Variants in EPB41 observed in about 807,000 individuals in gnomAD.
EPB41 encodes the protein erythrocyte membrane protein band 4.1, also known as protein 4.1.
In EPB41, 65 loss-of-function variants were observed where a neutral mutation model predicts 108.0. That is an observed-to-expected ratio of 0.60 (90% CI 0.49 to 0.74). The LOEUF (loss-of-function observed/expected upper bound fraction) is 0.74. EPB41 is among the 30% of genes least tolerant of loss of function. EPB41 has a pLI of 0.00. For synonymous variants in EPB41, 336 were observed against 358.9 expected (o/e 0.94, Z 0.72); for missense variants, 875 against 1,037.0 (o/e 0.84, Z 2.15).
intron 4 of EPB41, among the ~76,000 whole-genome samples, chr1:29,010,336 CTAAA>C (rs772276858): frequency 6.6e-6 from 1 of 151,952 alleles, no homozygotes; most frequent in African/African-American, 2.4e-5. Context: ...GAGACCCTGT[CTAAA>C]TAAATAAATA....
chr1:29,070,432 A>G, intron 16 of EPB41: 4 of 1,232,176 alleles, frequency 3.2e-6, no homozygotes, highest in Non-Finnish European at 4.0e-6. Context: ...CTACTGAAAG[A>G]GCCTTGCCCC....
intron 1 of EPB41, among the ~76,000 whole-genome samples, chr1:28,963,277 T>C (rs546852479): frequency 3.9e-5 from 6 of 152,088 alleles, no homozygotes; most frequent in South Asian, 4.2e-4. Context: ...CAACTGACTT[T>C]TGAGAAATGC....
intron 10 of EPB41, among the ~76,000 whole-genome samples, chr1:29,036,466 G>T (rs1639501526): frequency 6.6e-6 from 1 of 151,892 alleles, no homozygotes; most frequent in African/African-American, 2.4e-5. Context: ...TCACTATGTT[G>T]GTCAGGGTGG....
At chr1:29,062,752 C>T (rs1313662257) in intron 15 of EPB41, among the ~76,000 whole-genome samples, 1 of 150,674 alleles carries the variant, frequency 6.6e-6, no homozygotes, top group Admixed American at 6.6e-5. Flanking sequence ...TTTAGATCTA[C>T]CGCCTCCTCC....
At chr1:28,979,629 C>T (rs2095687737) in intron 1 of EPB41, among the ~76,000 whole-genome samples, 1 of 145,798 alleles carries the variant, frequency 6.9e-6, no homozygotes, top group South Asian at 2.1e-4. Flanking sequence ...GGATAGACTT[C>T]TTATATTTAC....
chr1:28,981,661 G>A (rs763568831), intron 1 of EPB41, among the ~76,000 whole-genome samples: 34 of 151,998 alleles, frequency 2.2e-4, no homozygotes, highest in Non-Finnish European at 4.7e-4. Flanking sequence ...TTCCATTACT[G>A]GAGGTATAAA....
At position 29,030,416 on chromosome 1, in the gene EPB41, C is replaced by T; in HGVS notation, c.1141C>T (p.Gln381Ter). 1.9e-6 allele frequency: 3 copies of T among 1,613,994 alleles called. No individual in the cohort carries two copies. Among genetic ancestry groups the T allele is most frequent in the Non-Finnish European group, 1.7e-6 (2 of 1,179,912 alleles). Reference protein sequence around the residue: ...HKSYRSMTPAQADLEFLENAK... With the variant: ...HKSYRSMTPA ...CTATCAAAGGTCCATGACTCCAGCTCAGGCTGACTTGGAGTTTCTTGAGAA... is the reference window on the plus strand; with the variant it reads ...CTATCAAAGGTCCATGACTCCAGCTTAGGCTGACTTGGAGTTTCTTGAGAA... The change falls in exon 8 of 21, where the codon CAG becomes TAG. Residue 381 changes from glutamine (Q) to a stop codon, truncating the protein, a stop_gained. Coordinates refer to ENST00000343067, the MANE Select transcript of EPB41 (RefSeq NM_001376013.1). LOFTEE classifies it high-confidence loss of function.
chr1:28,897,478 G>A (rs1241377932), intron 1 of EPB41, among the ~76,000 whole-genome samples: 1 of 151,808 alleles, frequency 6.6e-6, no homozygotes, highest in African/African-American at 2.4e-5. Flanking sequence ...GAGCCCAGGA[G>A]GTTGAGGCTG....
At chr1:29,076,298 G>A (rs1654047298) in intron 16 of EPB41, among the ~76,000 whole-genome samples, 11 of 152,038 alleles carry the variant, frequency 7.2e-5, no homozygotes, top group Admixed American at 7.2e-4. Flanking sequence ...GGATTATTCC[G>A]CTTTATGTCC....
chr1:29,005,208 T>C (rs2096378478), intron 4 of EPB41, among the ~76,000 whole-genome samples: 1 of 152,092 alleles, frequency 6.6e-6, no homozygotes, highest in Non-Finnish European at 1.5e-5. Context: ...ATGGGGAAGC[T>C]GGCACATCTT....
At chr1:28,937,600 G>A (rs964089727) in intron 1 of EPB41, among the ~76,000 whole-genome samples, 3 of 152,156 alleles carry the variant, frequency 2.0e-5, no homozygotes, top group Admixed American at 6.5e-5. Context: ...TCACCATGTT[G>A]GCCAGGCTGG....
rs371134732 is a variant in EPB41 at position 29,046,016 on chromosome 1, C to A, written c.1636+6590C>A. ...TAAAACAAAATAAAATAAATGGTATCCTAAATTTTTTATTTTTTGTTCAAT... is the reference window on the plus strand; with the variant it reads ...TAAAACAAAATAAAATAAATGGTATACTAAATTTTTTATTTTTTGTTCAAT... On this transcript the variant is annotated intron_variant, in intron 11 of 20. Coordinates refer to ENST00000343067, the MANE Select transcript of EPB41 (RefSeq NM_001376013.1). 9.9e-5 allele frequency among the ~76,000 whole-genome samples: 15 copies of A among 151,816 alleles called. No homozygotes were observed. The South Asian group carries it at 3.1e-3, about 32-fold the overall frequency.
chr1:28,921,938 T>TATA (rs2093103745), intron 1 of EPB41, among the ~76,000 whole-genome samples: 1 of 102,632 alleles, frequency 9.7e-6, no homozygotes. Flanking sequence ...TTATGAAATT[T>TATA]TATATATATA....
intron 1 of EPB41, among the ~76,000 whole-genome samples, chr1:28,904,980 G>A (rs2091658765): frequency 6.8e-6 from 1 of 147,088 alleles, no homozygotes; most frequent in African/African-American, 2.6e-5. Context: ...GTAGTGAGCC[G>A]AGATCATGCC....
At chr1:29,059,618 A>G (rs1353435218) in intron 14 of EPB41, among the ~76,000 whole-genome samples, 1 of 152,036 alleles carries the variant, frequency 6.6e-6, no homozygotes, top group African/African-American at 2.4e-5. Flanking sequence ...TCTTCAAAAA[A>G]TAAAAATAAA....
intron 1 of EPB41, among the ~76,000 whole-genome samples, chr1:28,954,934 T>G (rs2094885582): frequency 6.6e-6 from 1 of 152,242 alleles, no homozygotes; most frequent in Admixed American, 6.5e-5. Context: ...AAAGCTATTA[T>G]AAATCAGTAC....
intron 16 of EPB41, among the ~76,000 whole-genome samples, chr1:29,082,136 C>T (rs988653904): frequency 2.6e-5 from 4 of 151,960 alleles, no homozygotes; most frequent in South Asian, 2.1e-4. Flanking sequence ...TGTTTTGTTT[C>T]GTTTTTGAGA....
Position 28,887,649 on chromosome 1 carries a change from C to G in EPB41, c.-8+439C>G. 1.0e-6 allele frequency: 1 copy of G among 985,160 alleles called. No individual in the cohort carries two copies. Among genetic ancestry groups the G allele is most frequent in the Non-Finnish European group, 1.2e-6 (1 of 829,798 alleles). The allele number at this position is 985,160 out of a possible 1,614,324, so 61.0% of individuals were successfully genotyped here. ...GCTGGAGCGGGCTGGCGGCTAGCAG[C>G]GGGAGGGGGCTCCGGGGCCTGGAGC... On this transcript the variant is annotated intron_variant, in intron 1 of 16. Coordinates refer to the EPB41 transcript ENST00000347529. This position sits in a 1 kb window ranked among gnomAD's most constrained non-coding sequence, Gnocchi z 4.9.
At chr1:28,982,500 G>A in intron 1 of EPB41, 2 of 876,404 alleles carry the variant, frequency 2.3e-6, no homozygotes, top group Admixed American at 1.7e-5. Context: ...CATGGCTGTA[G>A]GGGCAATCTG....
Sources: gnomAD v4.1 joint callset for allele counts (sites outside exome capture counted in the v4.1 genomes callset) on GRCh38, gnomAD v4.1.1 for gene constraint, Gnocchi (gnomAD v3.1) non-coding constraint, MANE v1.5 for transcripts, NCBI Gene and HGNC (gene_info 2026-07-23, HGNC 2026-07-21) for gene names.